SDK1: variants seen among roughly 807,000 people sequenced by gnomAD.
The protein encoded by SDK1 is protein sidekick-1.
Under a neutral mutation model 245.5 loss-of-function variants are expected in SDK1, and 157 were observed. That is an observed-to-expected ratio of 0.64 (90% CI 0.56 to 0.73). The LOEUF (loss-of-function observed/expected upper bound fraction) is 0.73, where lower values mean the gene tolerates loss of function less well. Ranked by LOEUF, SDK1 falls within the 30% of genes least tolerant of loss-of-function variation. The pLI, the probability that SDK1 is intolerant of heterozygous loss-of-function variation, is 0.00. For missense variants in SDK1, 3,583 were observed against 3,002.3 expected, an observed-to-expected ratio of 1.19 and a Z score of -4.52; for synonymous variants, 1,647 against 1,278.5, an observed-to-expected ratio of 1.29 and a Z score of -6.15.
intron 19 of SDK1, among the ~76,000 whole-genome samples, chr7:4,058,162 C>T (rs892662511): frequency 6.6e-6 from 1 of 151,800 alleles, no homozygotes; most frequent in Non-Finnish European, 1.5e-5. Flanking sequence ...ATCCAAAAAA[C>T]ATTTCAATAC....
At chr7:3,361,510 C>G (rs1302337439) in intron 1 of SDK1, among the ~76,000 whole-genome samples, 2 of 152,168 alleles carry the variant, frequency 1.3e-5, no homozygotes, top group Non-Finnish European at 2.9e-5. Context: ...CTTCGTTTCC[C>G]ACATCTTCTC....
At chr7:4,032,683 A>G (rs1787911183) in intron 17 of SDK1, among the ~76,000 whole-genome samples, 1 of 152,388 alleles carries the variant, frequency 6.6e-6, no homozygotes, top group East Asian at 1.9e-4. Flanking sequence ...CAAGCAAAAC[A>G]TAGCTTGAAG....
At chr7:3,665,877 A>G (rs1414787302) in intron 4 of SDK1, among the ~76,000 whole-genome samples, 1 of 152,050 alleles carries the variant, frequency 6.6e-6, no homozygotes, top group South Asian at 2.1e-4. Flanking sequence ...TGACTTAGTG[A>G]TGAAGATGTT....
intron 5 of SDK1, among the ~76,000 whole-genome samples, chr7:3,834,670 A>T (rs547512415): frequency 2.0e-5 from 3 of 152,126 alleles, no homozygotes; most frequent in African/African-American, 7.2e-5. Flanking sequence ...ATTTAATACA[A>T]CCCCATTCCA....
chr7:4,130,078 G>A lies in SDK1; in HGVS notation c.4110G>A (p.Leu1370=), dbSNP rs199590777. The part of the protein sequence containing the change: ...GNGVPSTPLI[L]ERTKDDAPGP... Reference sequence around the variant, plus strand: ...GGGTCCCCAGCACGCCCCTCATCCTGGAGCGCACCAAAGACGATGGTAGGT... The same window carrying A: ...GGGTCCCCAGCACGCCCCTCATCCTAGAGCGCACCAAAGACGATGGTAGGT... Residue 1370 remains leucine (L), a synonymous_variant, in exon 27 of 45, where the codon CTG becomes CTA. Coordinates refer to ENST00000404826, the MANE Select transcript of SDK1 (RefSeq NM_152744.4). 6.2e-7 allele frequency: 1 copy of A among 1,607,014 alleles called. No individual in the cohort carries two copies. Among genetic ancestry groups the A allele is most frequent in the East Asian group, 2.2e-5 (1 of 44,628 alleles).
chr7:3,404,196 A>G (rs1262942217), intron 1 of SDK1, among the ~76,000 whole-genome samples: 2 of 152,004 alleles, frequency 1.3e-5, no homozygotes, highest in Non-Finnish European at 2.9e-5. Context: ...AAAATTTGTA[A>G]TTTTACAAAT....
At chr7:4,199,072 C>G (rs1490381217) in intron 35 of SDK1, among the ~76,000 whole-genome samples, 1 of 152,180 alleles carries the variant, frequency 6.6e-6, no homozygotes, top group Non-Finnish European at 1.5e-5. Context: ...TCCTCGGCCT[C>G]CCAAAGTGCT....
At chr7:4,175,637 T>C (rs945424816) in intron 33 of SDK1, 138 bp from the exon 34 acceptor site, 8 of 757,052 alleles carry the variant, frequency 1.1e-5, no homozygotes, top group Non-Finnish European at 1.9e-5. Context: ...GCGGGGTCTT[T>C]ATTGCCCCGG....
At chr7:3,781,344 A>T (rs1780730225) in intron 4 of SDK1, among the ~76,000 whole-genome samples, 1 of 152,048 alleles carries the variant, frequency 6.6e-6, no homozygotes, top group Non-Finnish European at 1.5e-5. Context: ...CAGCCCAACT[A>T]AGTTGTGAAC....
rs1020467779 is a variant in SDK1 at position 4,110,478 on chromosome 7, G to A, written c.3325-185G>A. On this transcript the variant is annotated intron_variant, in intron 22 of 44. Coordinates refer to ENST00000404826, the MANE Select transcript of SDK1 (RefSeq NM_152744.4). ...TAAAACTCACCCAGACTTGATGGTGGGCATAGCAAGAGCCTGTATCTCCAA... is the reference window on the plus strand; with the variant it reads ...TAAAACTCACCCAGACTTGATGGTGAGCATAGCAAGAGCCTGTATCTCCAA... Among the ~76,000 whole-genome samples the A allele has an allele frequency of 2.0e-5, 3 of 152,154 alleles. No homozygotes were observed. The South Asian group carries it at 6.2e-4, about 32-fold the overall frequency.
chr7:4,107,723 C>T (rs1783034410), intron 22 of SDK1, among the ~76,000 whole-genome samples: 1 of 152,148 alleles, frequency 6.6e-6, no homozygotes, highest in Non-Finnish European at 1.5e-5. Context: ...CTGGTCCCAG[C>T]CCGCCTACGA....
At position 3,369,089 on chromosome 7, in the gene SDK1, G is replaced by C. The variant is rs547380331; in HGVS notation, c.298+67205G>C. 2.0e-5 allele frequency among the ~76,000 whole-genome samples: 3 copies of C among 151,850 alleles called. No homozygotes were observed. In the South Asian group the frequency reaches 6.3e-4, roughly 32 times the overall value. On this transcript the variant is annotated intron_variant, in intron 1 of 44. Transcript: ENST00000404826. ...AGACAGAGTCTTGCTCTGTTGGCCA[G>C]GCTGGTGTGCAATGGTGTGATATTG...
chr7:3,647,346 T>C (rs1782882225), intron 4 of SDK1, among the ~76,000 whole-genome samples: 1 of 152,232 alleles, frequency 6.6e-6, no homozygotes, highest in African/African-American at 2.4e-5. Context: ...GTGTACAGAT[T>C]AAAATCCAGA....
chr7:4,244,985 C>A (rs1786756955), intron 43 of SDK1, among the ~76,000 whole-genome samples: 2 of 152,188 alleles, frequency 1.3e-5, no homozygotes, highest in South Asian at 4.1e-4. Flanking sequence ...GATAGGGTCT[C>A]CTAATGTCAT....
Position 3,499,755 on chromosome 7 carries a change from C to G in SDK1, c.299-119325C>G, listed in dbSNP as rs145530514. ...GGGCCTGTTTTTCCCTGGAGTTTAC[C>G]AAAGCCCCTTCTGTGGAAGTTAGTG... On this transcript the variant is annotated intron_variant, in intron 1 of 44. Transcript: ENST00000404826. Among the ~76,000 whole-genome samples, 12 of 152,286 alleles carry G rather than the reference C, an allele frequency of 7.9e-5. No individual in the cohort carries two copies. In the East Asian group the frequency reaches 2.3e-3, roughly 29 times the overall value.
chr7:3,606,745 C>A (rs1250130796), intron 1 of SDK1, among the ~76,000 whole-genome samples: 1 of 152,086 alleles, frequency 6.6e-6, no homozygotes, highest in Non-Finnish European at 1.5e-5. Context: ...CACTTCTTCC[C>A]CAGATTTCTT....
intron 1 of SDK1, among the ~76,000 whole-genome samples, chr7:3,452,728 G>A (rs187390122): frequency 6.6e-6 from 1 of 152,106 alleles, no homozygotes; most frequent in Non-Finnish European, 1.5e-5. Context: ...TTGACTTTGT[G>A]TGGAATTTCC....
chr7:3,938,673 T>A (rs575325718), intron 5 of SDK1, among the ~76,000 whole-genome samples: 1 of 141,346 alleles, frequency 7.1e-6, no homozygotes. Flanking sequence ...GATCCTCAGC[T>A]GTTGTTTCTT....
chr7:3,780,099 C>T (rs552648615), intron 4 of SDK1, among the ~76,000 whole-genome samples: 4 of 152,248 alleles, frequency 2.6e-5, no homozygotes, highest in Admixed American at 6.5e-5. Flanking sequence ...CACTTGGAAA[C>T]GAGCCTGAGA....
Sources: gnomAD v4.1 joint callset for allele counts (sites outside exome capture counted in the v4.1 genomes callset) on GRCh38, gnomAD v4.1.1 for gene constraint, MANE v1.5 for transcripts, NCBI Gene and HGNC (gene_info 2026-07-23, HGNC 2026-07-21) for gene names.